The following DAAM2 variants were observed in gnomAD, a reference collection of about 807,000 sequenced individuals.
DAAM2 encodes dishevelled associated activator of morphogenesis 2.
In DAAM2, 39 loss-of-function variants were observed where a neutral mutation model predicts 120.7. The ratio of observed to expected loss-of-function variants is 0.32; its 90% CI spans 0.25 to 0.42. The LOEUF (loss-of-function observed/expected upper bound fraction) is 0.42, where lower values mean the gene tolerates loss of function less well. Among genes scored for constraint, DAAM2 ranks in the 10% least tolerant of loss-of-function variants. DAAM2 has a pLI of 1.00. For missense variants in DAAM2, 1,283 were observed against 1,401.7 expected, an observed-to-expected ratio of 0.92 and a Z score of 1.35; for synonymous variants, 488 against 524.9, an observed-to-expected ratio of 0.93 and a Z score of 0.96.
chr6:39,888,611 C>A, intron 16 of DAAM2, 68 bp from the exon 17 acceptor site: 1 of 1,364,256 alleles, frequency 7.3e-7, no homozygotes, highest in Non-Finnish European at 1.0e-6. Flanking sequence ...TGAGGGAAGG[C>A]GGAGGTGGTA....
At chr6:39,836,336 C>G (rs932199901) in intron 1 of DAAM2, among the ~76,000 whole-genome samples, 1 of 152,134 alleles carries the variant, frequency 6.6e-6, no homozygotes, top group African/African-American at 2.4e-5. Flanking sequence ...GAAGGCATCC[C>G]TAAATAACAG....
rs1766512797 is a variant in DAAM2 at position 39,901,931 on chromosome 6, A to C, written c.3101A>C (p.Glu1034Ala). ...DDLVSALRSG[E>A]VFDKDLCKLK... The stretch of plus-strand genomic sequence containing the variant: ...CTGGTGTCGGCCCTGCGCTCTGGGG[A>C]GGTCTTCGACAAGGACTTATGCAAG... The change falls in exon 25 of 25, where the codon GAG becomes GCG. Residue 1034 changes from glutamate (E) to alanine (A), a missense_variant. Around this residue, in one of 3 missense-constraint regions of DAAM2, gnomAD observed 748 missense variants for 768.6 expected, o/e 0.97. Transcript: ENST00000274867. This position sits in a 1 kb window ranked among gnomAD's most constrained non-coding sequence, Gnocchi z 4.5. The C allele has an allele frequency of 6.2e-7, 1 of 1,611,288 alleles. No individual in the cohort carries two copies. The highest frequency in any genetic ancestry group is 1.3e-5 in the African/African-American group (1 of 74,872).
chr6:39,867,997 T>C, intron 6 of DAAM2, 154 bp downstream of exon 6: 2 of 675,522 alleles, frequency 3.0e-6, no homozygotes, highest in Admixed American at 2.8e-5. Flanking sequence ...AGGTGAAGAG[T>C]ACTGGGACCT....
At chr6:39,797,190 A>G (rs1158450250) in intron 1 of DAAM2, among the ~76,000 whole-genome samples, 1 of 152,186 alleles carries the variant, frequency 6.6e-6, no homozygotes, top group Non-Finnish European at 1.5e-5. Flanking sequence ...AATTTGGGCT[A>G]TTTAGTGAGC....
At chr6:39,857,491 T>C (rs1764052852) in intron 2 of DAAM2, among the ~76,000 whole-genome samples, 1 of 152,230 alleles carries the variant, frequency 6.6e-6, no homozygotes, top group Non-Finnish European at 1.5e-5. Flanking sequence ...AAACTCACTG[T>C]TTCCTGATTT....
At chr6:39,808,670 G>C (rs1447972788) in intron 1 of DAAM2, among the ~76,000 whole-genome samples, 3 of 152,172 alleles carry the variant, frequency 2.0e-5, no homozygotes, top group Non-Finnish European at 4.4e-5. Flanking sequence ...TTGAAATCTG[G>C]TCTGAGCCCA....
At chr6:39,798,410 T>C (rs1761762729) in intron 1 of DAAM2, among the ~76,000 whole-genome samples, 1 of 152,200 alleles carries the variant, frequency 6.6e-6, no homozygotes, top group Non-Finnish European at 1.5e-5. Flanking sequence ...ATCAGCCACA[T>C]AGAGAACTAA....
intron 1 of DAAM2, among the ~76,000 whole-genome samples, chr6:39,837,437 C>T (rs1035930008): frequency 5.3e-5 from 8 of 152,006 alleles, no homozygotes; most frequent in Non-Finnish European, 1.2e-4. Flanking sequence ...CTCCTGACCT[C>T]AGGTGATCTG....
chr6:39,901,671 T>C lies in DAAM2; in HGVS notation c.2983-142T>C. 1.0e-6 allele frequency: 1 copy of C among 978,634 alleles called. No individual in the cohort carries two copies. Among genetic ancestry groups the C allele is most frequent in the Non-Finnish European group, 1.5e-6 (1 of 682,500 alleles). The allele number at this position is 978,634 out of a possible 1,614,324, so 60.6% of individuals were successfully genotyped here. A position where few individuals can be genotyped will look rare whatever the true frequency, so the allele number is the denominator to read the frequency against. The stretch of plus-strand genomic sequence containing the variant: ...TGGTGTGAAGCTGGGGGCCTGTATG[T>C]CCTAGGCAGGAAGAAAGTGGGGCCA... On this transcript the variant is annotated intron_variant, in intron 24 of 24. Transcript: ENST00000274867. This position sits in a 1 kb window ranked among gnomAD's most constrained non-coding sequence, Gnocchi z 4.5.
At chr6:39,801,700 C>T (rs1003054882) in intron 1 of DAAM2, among the ~76,000 whole-genome samples, 4 of 152,170 alleles carry the variant, frequency 2.6e-5, no homozygotes, top group African/African-American at 9.7e-5. Context: ...TTATGTACAC[C>T]CATTGTCCAT....
At chr6:39,820,902 T>C (rs1383906426) in intron 1 of DAAM2, 1 of 152,260 alleles carries the variant, frequency 6.6e-6, no homozygotes, top group Non-Finnish European at 1.5e-5. Context: ...TAATTAATAT[T>C]TCTTATGGGT....
chr6:39,853,423 G>C (rs1468036647), intron 1 of DAAM2, among the ~76,000 whole-genome samples: 1 of 152,170 alleles, frequency 6.6e-6, no homozygotes, highest in East Asian at 1.9e-4. Flanking sequence ...CCTTCTCTTG[G>C]GGGATGGTAC....
chr6:39,819,606 C>T (rs1240369898), intron 1 of DAAM2: 2 of 152,242 alleles, frequency 1.3e-5, no homozygotes, highest in East Asian at 3.9e-4. Flanking sequence ...AGTTAATTAG[C>T]ATACAATGTG....
chr6:39,837,767 G>C (rs746304319), intron 1 of DAAM2, among the ~76,000 whole-genome samples: 6 of 151,090 alleles, frequency 4.0e-5, no homozygotes, highest in Non-Finnish European at 8.8e-5. Context: ...TCCTGAACTT[G>C]AGCATGAAGG....
intron 1 of DAAM2, among the ~76,000 whole-genome samples, chr6:39,803,197 C>T (rs1400637536): frequency 1.3e-5 from 2 of 152,122 alleles, no homozygotes; most frequent in Non-Finnish European, 2.9e-5. Flanking sequence ...TTGGTATATT[C>T]CTGGGAGTAG....
intron 1 of DAAM2, among the ~76,000 whole-genome samples, chr6:39,848,174 G>C (rs1763670474): frequency 6.6e-6 from 1 of 152,160 alleles, no homozygotes; most frequent in African/African-American, 2.4e-5. Flanking sequence ...GAATGTTCCA[G>C]ATCCTTCCAG....
At chr6:39,882,560 G>C (rs2504801) in intron 14 of DAAM2, among the ~76,000 whole-genome samples, 97,232 of 151,820 alleles carry the variant, frequency 0.64, 31,275 homozygotes, top group East Asian at 0.83. Context: ...AGATCAGACT[G>C]TGGCTGCACA....
chr6:39,813,948 C>CA (rs1163545422), intron 1 of DAAM2, among the ~76,000 whole-genome samples: 1 of 152,110 alleles, frequency 6.6e-6, no homozygotes, highest in Non-Finnish European at 1.5e-5. Context: ...GGAAAAGGGT[C>CA]ATGGCCACTG....
At chr6:39,804,906 CA>C (rs1487327429) in intron 1 of DAAM2, among the ~76,000 whole-genome samples, 1 of 152,152 alleles carries the variant, frequency 6.6e-6, no homozygotes, top group Non-Finnish European at 1.5e-5. Context: ...TGTGCTGAGT[CA>C]GGTGTTGTGG....
Sources: allele counts gnomAD v4.1 joint callset (sites outside exome capture counted in the v4.1 genomes callset), GRCh38; gene constraint gnomAD v4.1.1; regional missense constraint gnomAD v4.1.1; non-coding constraint Gnocchi (gnomAD v3.1); transcripts MANE v1.5; gene names NCBI Gene and HGNC (gene_info 2026-07-23, HGNC 2026-07-21).